KIAA0319L: variants seen among roughly 807,000 people sequenced by gnomAD.
The protein encoded by KIAA0319L is dyslexia-associated protein KIAA0319-like protein.
A neutral mutation model predicts 120.1 loss-of-function variants in KIAA0319L; 55 were observed. That is an observed-to-expected ratio of 0.46 (90% confidence interval 0.37 to 0.57). The LOEUF is 0.57. Ranked by LOEUF, KIAA0319L falls within the 20% of genes least tolerant of loss-of-function variation. The pLI is 0.00. For synonymous variants in KIAA0319L, 398 were observed against 471.9 expected (o/e 0.84, Z 2.03); for missense variants, 1,049 against 1,255.3 (o/e 0.84, Z 2.48).
intron 7 of KIAA0319L, among the ~76,000 whole-genome samples, chr1:35,464,609 G>A (rs1324993233): frequency 6.6e-6 from 1 of 152,222 alleles, no homozygotes; most frequent in Non-Finnish European, 1.5e-5. Context: ...TTTCTAAGGA[G>A]AAATTCAAGC....
At chr1:35,557,487 G>A (rs1007171328), upstream of KIAA0319L, 2 of 357,478 alleles carry the variant, frequency 5.6e-6, no homozygotes, top group Non-Finnish European at 1.1e-5. Flanking sequence ...CCCCGGGAAG[G>A]GCAATGCCGG....
At chr1:35,450,899 A>T (rs992951366) in intron 13 of KIAA0319L, among the ~76,000 whole-genome samples, 1 of 152,214 alleles carries the variant, frequency 6.6e-6, no homozygotes, top group African/African-American at 2.4e-5. Flanking sequence ...CTCCTTCAAA[A>T]TATCTTAAAA....
intron 2 of KIAA0319L, among the ~76,000 whole-genome samples, chr1:35,529,614 A>C (rs1646284451): frequency 6.6e-6 from 1 of 152,186 alleles, no homozygotes; most frequent in Non-Finnish European, 1.5e-5. Context: ...TTTTCCCTTC[A>C]GCACTTTGAA....
intron 2 of KIAA0319L, among the ~76,000 whole-genome samples, chr1:35,540,104 A>G (rs1478075705): frequency 6.6e-6 from 1 of 152,240 alleles, no homozygotes; most frequent in African/African-American, 2.4e-5. Context: ...GAGGGAGTTT[A>G]AAAAGGGGAA....
chr1:35,549,890 C>G (rs1469461775), intron 2 of KIAA0319L, among the ~76,000 whole-genome samples: 3 of 152,134 alleles, frequency 2.0e-5, no homozygotes, highest in Non-Finnish European at 4.4e-5. Context: ...GCCTTGGTAC[C>G]CGCTAAGAAT....
At chr1:35,477,666 CAAAAA>C (rs34588440) in intron 4 of KIAA0319L, among the ~76,000 whole-genome samples, 1 of 55,678 alleles carries the variant, frequency 1.8e-5, no homozygotes, top group African/African-American at 5.2e-5. Flanking sequence ...GACTCTGTCT[CAAAAA>C]AAAAAAAAAA....
At chr1:35,449,429 G>A (rs1162707833) in intron 15 of KIAA0319L, among the ~76,000 whole-genome samples, 1 of 152,214 alleles carries the variant, frequency 6.6e-6, no homozygotes, top group Non-Finnish European at 1.5e-5. Context: ...CAAGGCCTGA[G>A]GCTCAACTTA....
intron 2 of KIAA0319L, among the ~76,000 whole-genome samples, chr1:35,531,506 G>A (rs894945717): frequency 9.2e-5 from 14 of 152,204 alleles, no homozygotes; most frequent in Non-Finnish European, 1.8e-4. Context: ...TAGGGACCTG[G>A]GGGATGCGTG....
At chr1:35,524,293 G>GT (rs1646035534) in intron 2 of KIAA0319L, among the ~76,000 whole-genome samples, 1 of 152,230 alleles carries the variant, frequency 6.6e-6, no homozygotes, top group African/African-American at 2.4e-5. Flanking sequence ...GGAGAAAGTT[G>GT]TAAGACTGGT....
At chr1:35,479,841 C>T (rs1768545) in intron 3 of KIAA0319L, among the ~76,000 whole-genome samples, 34,307 of 149,502 alleles carry the variant, frequency 0.23, 8,319 homozygotes, top group African/African-American at 0.58. Context: ...AGGTCAAGGC[C>T]GCAGTGAACT....
intron 2 of KIAA0319L, among the ~76,000 whole-genome samples, chr1:35,518,979 A>AC (rs1645799059): frequency 7.3e-6 from 1 of 136,310 alleles, no homozygotes; most frequent in South Asian, 2.2e-4. Context: ...CTCTGTCTCA[A>AC]AAAAAAAAAA....
chr1:35,525,552 T>C (rs185837942), intron 2 of KIAA0319L, among the ~76,000 whole-genome samples: 44 of 152,322 alleles, frequency 2.9e-4, no homozygotes, highest in Non-Finnish European at 7.4e-5. Flanking sequence ...CTAACTGGGG[T>C]AAGATGATAT....
chr1:35,520,359 A>G (rs1056886162), intron 2 of KIAA0319L, among the ~76,000 whole-genome samples: 6 of 151,968 alleles, frequency 3.9e-5, no homozygotes, highest in Admixed American at 3.3e-4. Flanking sequence ...CAGCCTCCCA[A>G]AGTGCTAGGA....
intron 3 of KIAA0319L, among the ~76,000 whole-genome samples, chr1:35,483,625 A>G (rs528711209): frequency 5.2e-4 from 79 of 152,294 alleles, no homozygotes; most frequent in Non-Finnish European, 7.1e-4. Context: ...TACTGTGGCT[A>G]TACAGTAAGT....
chr1:35,535,876 T>C (rs914354377), intron 2 of KIAA0319L, among the ~76,000 whole-genome samples: 5 of 152,350 alleles, frequency 3.3e-5, no homozygotes, highest in South Asian at 4.1e-4. Context: ...TTGTATATTG[T>C]ATGTGTAGGC....
chr1:35,434,668 T>G lies in KIAA0319L; in HGVS notation c.*226A>C. ...AAAAGGAGGCCCTGAGGTGAGGATATCTGGGGGCCCACCAGACAGGTTTAA... is the reference window on the plus strand; with the variant it reads ...AAAAGGAGGCCCTGAGGTGAGGATAGCTGGGGGCCCACCAGACAGGTTTAA... On this transcript the variant is annotated 3_prime_UTR_variant, in exon 21 of 21. Coordinates refer to ENST00000325722, the MANE Select transcript of KIAA0319L (RefSeq NM_024874.5). 1.9e-6 allele frequency: 1 copy of G among 515,364 alleles called. No individual in the cohort carries two copies. Among genetic ancestry groups the G allele is most frequent in the Non-Finnish European group, 3.4e-6 (1 of 292,952 alleles). 31.9% of individuals were successfully genotyped at this position (515,364 alleles called of 1,614,324 possible).
Position 35,453,419 on chromosome 1 carries a change from G to A in KIAA0319L, c.1913+138C>T, listed in dbSNP as rs1037758412. On this transcript the variant is annotated intron_variant, in intron 12 of 20. Transcript: ENST00000325722. This position sits in a 1 kb window ranked among gnomAD's most constrained non-coding sequence, Gnocchi z 4.1. Reference sequence around the variant, plus strand: ...TATCATTTTCTTGGAGTTGAAGTTTGGAATTGCAAACATTTCTTCCTCAGT... The same window carrying A: ...TATCATTTTCTTGGAGTTGAAGTTTAGAATTGCAAACATTTCTTCCTCAGT... 7 of 708,870 alleles carry A rather than the reference G, an allele frequency of 9.9e-6. No homozygotes were observed. Among genetic ancestry groups the A allele is most frequent in the Middle Eastern group, 5.3e-4 (2 of 3,786 alleles). The allele number at this position is 708,870 out of a possible 1,614,324, so 43.9% of individuals were successfully genotyped here. A position where few individuals can be genotyped will look rare whatever the true frequency, so the allele number is the denominator to read the frequency against.
chr1:35,552,989 C>T (rs770064225), intron 2 of KIAA0319L, among the ~76,000 whole-genome samples: 5 of 151,932 alleles, frequency 3.3e-5, no homozygotes, highest in Non-Finnish European at 5.9e-5. Context: ...CAGGAGGCTG[C>T]GGCAGGACAA....
chr1:35,485,230 C>T (rs1644343297), intron 3 of KIAA0319L, among the ~76,000 whole-genome samples: 1 of 152,058 alleles, frequency 6.6e-6, no homozygotes, highest in South Asian at 2.1e-4. Flanking sequence ...TTTTTAATAA[C>T]TTGCCTATAC....
Sources: allele counts gnomAD v4.1 joint callset (sites outside exome capture counted in the v4.1 genomes callset), GRCh38; gene constraint gnomAD v4.1.1; non-coding constraint Gnocchi (gnomAD v3.1); transcripts MANE v1.5; gene names NCBI Gene and HGNC (gene_info 2026-07-23, HGNC 2026-07-21).